Variants in NCBP2AS2 observed in about 807,000 individuals in gnomAD.
The protein encoded by NCBP2AS2 is protein NCBP2AS2.
For synonymous variants in NCBP2AS2, 67 were observed against 28.0 expected, an observed-to-expected ratio of 2.39 and a Z score of -4.40; for missense variants, 125 against 56.0, an observed-to-expected ratio of 2.23 and a Z score of -3.93.
Position 196,942,791 on chromosome 3 carries a change from T to C in NCBP2AS2, c.75T>C (p.Pro25=). The C allele has an allele frequency of 1.4e-6, 1 of 699,592 alleles. No homozygotes were observed. Among genetic ancestry groups the C allele is most frequent in the East Asian group, 2.7e-5 (1 of 36,904 alleles). The allele number at this position is 699,592 out of a possible 1,614,324, so 43.3% of individuals were successfully genotyped here. A position where few individuals can be genotyped will look rare whatever the true frequency, so the allele number is the denominator to read the frequency against. The change falls in exon 1 of 1, where the codon CCT becomes CCC. Residue 25 remains proline (P), a synonymous_variant. Transcript: ENST00000602845. ...TGGAACGTCTGTCAGAGTCGCGGCCTATCCGACGTGCGGCGCAGCTCACGG... is the reference window on the plus strand; with the variant it reads ...TGGAACGTCTGTCAGAGTCGCGGCCCATCCGACGTGCGGCGCAGCTCACGG... ...QLVERLSESR[P]IRRAAQLTAF...
chr3:196,943,121 G>T lies in NCBP2AS2; in HGVS notation c.*105G>T. 1.7e-6 allele frequency: 1 copy of T among 600,036 alleles called. No homozygotes were observed. The highest frequency in any genetic ancestry group is 2.0e-5 in the African/African-American group (1 of 50,818). The allele number at this position is 600,036 out of a possible 1,614,324, so 37.2% of individuals were successfully genotyped here. ...GGCACTGCGCGCGGCTTCGAATCCC[G>T]ACTGGGATTGTTGGCCTGCAGACAT... On this transcript the variant is annotated 3_prime_UTR_variant, in exon 1 of 1. Coordinates refer to ENST00000602845, the MANE Select transcript of NCBP2AS2 (RefSeq NM_001355243.2).
chr3:196,943,162 C>T lies in NCBP2AS2; in HGVS notation c.*146C>T, dbSNP rs12491796. ...CTGCAGACATCCCACGCATAAGAGCCTAGGCCAGACCGCCCGCTCCGTTGA... is the reference window on the plus strand; with the variant it reads ...CTGCAGACATCCCACGCATAAGAGCTTAGGCCAGACCGCCCGCTCCGTTGA... On this transcript the variant is annotated 3_prime_UTR_variant, in exon 1 of 1. Transcript: ENST00000602845. 227 of 568,816 alleles carry T rather than the reference C, an allele frequency of 4.0e-4. No homozygotes were observed. The African/African-American group carries it at 4.1e-3, about 10-fold the overall frequency. The allele number at this position is 568,816 out of a possible 1,614,324, so 35.2% of individuals were successfully genotyped here. A position where few individuals can be genotyped will look rare whatever the true frequency, so the allele number is the denominator to read the frequency against.
rs1184416262 is a variant in NCBP2AS2 at position 196,942,804 on chromosome 3, G to A, written c.88G>A (p.Ala30Thr). Residue 30 changes from alanine to threonine, a missense_variant, in exon 1 of 1, where the codon GCG becomes ACG. Ala to Thr is a moderately conservative substitution (Grantham distance 58, BLOSUM62 0). Transcript: ENST00000602845. ...AGAGTCGCGGCCTATCCGACGTGCG[G>A]CGCAGCTCACGGCCTTCGCACTGCT... The part of the protein sequence containing the change: ...LSESRPIRRA[A>T]QLTAFALLQA... The A allele has an allele frequency of 1.4e-6, 1 of 699,620 alleles. No homozygotes were observed. The highest frequency in any genetic ancestry group is 2.4e-4 in the Middle Eastern group (1 of 4,186). The allele number at this position is 699,620 out of a possible 1,614,324, so 43.3% of individuals were successfully genotyped here. A position where few individuals can be genotyped will look rare whatever the true frequency, so the allele number is the denominator to read the frequency against.
rs61378737 is a variant in NCBP2AS2 at position 196,943,223 on chromosome 3, G to GAC, written c.*207_*208insAC. The stretch of plus-strand genomic sequence containing the variant: ...TTGGACAAGACACAGTGTGGAGACA[G>GAC]CCCTAAGCCTAACAGAGATGAAGGT... On this transcript the variant is annotated 3_prime_UTR_variant, in exon 1 of 1. Coordinates refer to ENST00000602845, the MANE Select transcript of NCBP2AS2 (RefSeq NM_001355243.2). 0.76 allele frequency: 406,956 copies of GAC among 534,202 alleles called. 157,129 individuals are homozygous for GAC. The highest frequency in any genetic ancestry group is 0.94 in the African/African-American group (46,013 of 49,190). The allele number at this position is 534,202 out of a possible 1,614,324, so 33.1% of individuals were successfully genotyped here. A position where few individuals can be genotyped will look rare whatever the true frequency, so the allele number is the denominator to read the frequency against.
chr3:196,942,696 G>A lies in NCBP2AS2; in HGVS notation c.-21G>A. 1.4e-6 allele frequency: 1 copy of A among 739,894 alleles called. No homozygotes were observed. The highest frequency in any genetic ancestry group is 1.5e-5 in the South Asian group (1 of 66,586). The allele number at this position is 739,894 out of a possible 1,614,324, so 45.8% of individuals were successfully genotyped here. On this transcript the variant is annotated 5_prime_UTR_variant, in exon 1 of 1. Coordinates refer to ENST00000602845, the MANE Select transcript of NCBP2AS2 (RefSeq NM_001355243.2). Reference sequence around the variant, plus strand: ...GCGGAAGACGAGGGCGGCGAGGTCGGGTTCCGGGCGCTTGGAGAAGATGGT... The same window carrying A: ...GCGGAAGACGAGGGCGGCGAGGTCGAGTTCCGGGCGCTTGGAGAAGATGGT...
chr3:196,942,834 G>A lies in NCBP2AS2; in HGVS notation c.118G>A (p.Ala40Thr), dbSNP rs1374078437. ...GCTCACGGCCTTCGCACTGCTGCAG[G>A]CCCAGCTGCGGGGCCAGGACGCGGC... ...AQLTAFALLQ[A>T]QLRGQDAARR... Residue 40 changes from alanine (A) to threonine (T), a missense_variant, in exon 1 of 1, where the codon GCC (alanine) becomes ACC (threonine). Ala to Thr is a moderately conservative substitution (Grantham distance 58, BLOSUM62 0). Transcript: ENST00000602845. 2 of 698,036 alleles carry A rather than the reference G, an allele frequency of 2.9e-6. No homozygotes were observed. Among genetic ancestry groups the A allele is most frequent in the African/African-American group, 1.8e-5 (1 of 56,550 alleles). The allele number at this position is 698,036 out of a possible 1,614,324, so 43.2% of individuals were successfully genotyped here.
In NCBP2AS2 at chr3:196,942,964, G is replaced by C; in HGVS notation, c.248G>C (p.Gly83Ala). Residue 83 changes from glycine to alanine, a missense_variant, in exon 1 of 1, where the codon GGC (glycine) becomes GCC (alanine). By Grantham distance (60) the Gly-to-Ala change is moderately conservative (BLOSUM62 0). Transcript: ENST00000602845. The stretch of plus-strand genomic sequence containing the variant: ...CAGGAGCTACGCCGCGGCCTCCGAG[G>C]CCGCTCGGGGCCACCACCAGGTAGC... ...FTQELRRGLR[G>A]RSGPPPGSQR... The C allele has an allele frequency of 1.4e-6, 1 of 698,304 alleles. No homozygotes were observed. Among genetic ancestry groups the C allele is most frequent in the Non-Finnish European group, 2.6e-6 (1 of 383,618 alleles). The allele number at this position is 698,304 out of a possible 1,614,324, so 43.3% of individuals were successfully genotyped here. A position where few individuals can be genotyped will look rare whatever the true frequency, so the allele number is the denominator to read the frequency against.
rs1716679584 is a variant in NCBP2AS2, at chr3:196,942,837, C to T, written c.121C>T (p.Gln41Ter). The change falls in exon 1 of 1, where the codon CAG becomes TAG. Residue 41 changes from glutamine (Q) to a stop codon, truncating the protein, a stop_gained. Transcript: ENST00000602845. LOFTEE classifies it low-confidence loss of function (END_TRUNC). ...CACGGCCTTCGCACTGCTGCAGGCC[C>T]AGCTGCGGGGCCAGGACGCGGCCCG... Reference protein sequence around the residue: ...QLTAFALLQAQLRGQDAARRL... With the variant: ...QLTAFALLQA The T allele has an allele frequency of 1.4e-6, 1 of 698,170 alleles. No individual in the cohort carries two copies. Among genetic ancestry groups the T allele is most frequent in the East Asian group, 2.7e-5 (1 of 36,924 alleles). The allele number at this position is 698,170 out of a possible 1,614,324, so 43.2% of individuals were successfully genotyped here. A position where few individuals can be genotyped will look rare whatever the true frequency, so the allele number is the denominator to read the frequency against.
chr3:196,942,827 G>A lies in NCBP2AS2; in HGVS notation c.111G>A (p.Leu37=), dbSNP rs1716678641. 1 of 698,968 alleles carries A rather than the reference G, an allele frequency of 1.4e-6. No individual in the cohort carries two copies. The highest frequency in any genetic ancestry group is 2.0e-5 in the Admixed American group (1 of 49,750). The allele number at this position is 698,968 out of a possible 1,614,324, so 43.3% of individuals were successfully genotyped here. ...RRAAQLTAFA[L]LQAQLRGQDA... ...CGGCGCAGCTCACGGCCTTCGCACT[G>A]CTGCAGGCCCAGCTGCGGGGCCAGG... The change falls in exon 1 of 1, where the codon CTG becomes CTA. Residue 37 remains leucine (L), a synonymous_variant. Coordinates refer to ENST00000602845, the MANE Select transcript of NCBP2AS2 (RefSeq NM_001355243.2).
rs1716691486 is a variant in NCBP2AS2, at chr3:196,943,003, G to A, written c.287G>A (p.Gly96Asp). 2.9e-6 allele frequency: 2 copies of A among 688,668 alleles called. No homozygotes were observed. The highest frequency in any genetic ancestry group is 3.0e-5 in the South Asian group (2 of 66,156). 42.7% of individuals were successfully genotyped at this position (688,668 alleles called of 1,614,324 possible). A position where few individuals can be genotyped will look rare whatever the true frequency, so the allele number is the denominator to read the frequency against. Reference sequence around the variant, plus strand: ...CCACCAGGTAGCCAGAGGGGCCCTGGCGCAAACATTTAATCCTGGGCTGTG... The same window carrying A: ...CCACCAGGTAGCCAGAGGGGCCCTGACGCAAACATTTAATCCTGGGCTGTG... ...GPPPGSQRGP[G>D]ANI The change falls in exon 1 of 1, where the codon GGC becomes GAC. Residue 96 changes from glycine to aspartate, a missense_variant. By Grantham distance (94) the Gly-to-Asp change is moderately conservative (BLOSUM62 -1). Transcript: ENST00000602845.
At position 196,943,347 on chromosome 3, in the gene NCBP2AS2, A is replaced by C. The variant is rs1228341822; in HGVS notation, c.*331A>C. 2 of 309,082 alleles carry C rather than the reference A, an allele frequency of 6.5e-6. No individual in the cohort carries two copies. Among genetic ancestry groups the C allele is most frequent in the African/African-American group, 4.5e-5 (2 of 44,598 alleles). The allele number at this position is 309,082 out of a possible 1,614,324, so 19.1% of individuals were successfully genotyped here. A position where few individuals can be genotyped will look rare whatever the true frequency, so the allele number is the denominator to read the frequency against. On this transcript the variant is annotated 3_prime_UTR_variant, in exon 1 of 1. Transcript: ENST00000602845. ...CTGAAACTCTTGACAGATGCTGCTC[A>C]ATCTGACTGGTATAGCAGGACAGTT...
chr3:196,943,081 G>A lies in NCBP2AS2; in HGVS notation c.*65G>A. The A allele has an allele frequency of 4.8e-6, 3 of 627,620 alleles. No individual in the cohort carries two copies. In the South Asian group the frequency reaches 5.2e-5, roughly 11 times the overall value. 38.9% of individuals were successfully genotyped at this position (627,620 alleles called of 1,614,324 possible). A position where few individuals can be genotyped will look rare whatever the true frequency, so the allele number is the denominator to read the frequency against. On this transcript the variant is annotated 3_prime_UTR_variant, in exon 1 of 1. Coordinates refer to ENST00000602845, the MANE Select transcript of NCBP2AS2 (RefSeq NM_001355243.2). ...CCGGGCTCTACAGTGGCATCAATGT[G>A]GAGGGGTCATTCCGGGCACTGCGCG... is the stretch of plus-strand genomic sequence containing the variant.
At position 196,942,799 on chromosome 3, in the gene NCBP2AS2, G is replaced by T. The variant is rs1028154433; in HGVS notation, c.83G>T (p.Arg28Leu). ...ERLSESRPIRRAAQLTAFALL... is the reference protein window; with the variant it reads ...ERLSESRPIRLAAQLTAFALL... ...CTGTCAGAGTCGCGGCCTATCCGAC[G>T]TGCGGCGCAGCTCACGGCCTTCGCA... Residue 28 changes from arginine to leucine, a missense_variant, in exon 1 of 1, where the codon CGT (arginine) becomes CTT (leucine). Arg to Leu is a moderately radical substitution (Grantham distance 102). Transcript: ENST00000602845. 1.4e-6 allele frequency: 1 copy of T among 699,524 alleles called. No individual in the cohort carries two copies. Among genetic ancestry groups the T allele is most frequent in the Admixed American group, 2.0e-5 (1 of 49,850 alleles). 43.3% of individuals were successfully genotyped at this position (699,524 alleles called of 1,614,324 possible).
At position 196,943,054 on chromosome 3, in the gene NCBP2AS2, T is replaced by C; in HGVS notation, c.*38T>C. On this transcript the variant is annotated 3_prime_UTR_variant, in exon 1 of 1. Coordinates refer to ENST00000602845, the MANE Select transcript of NCBP2AS2 (RefSeq NM_001355243.2). ...CGGGGCCGAGGCCGCTTGCTTTTCC[T>C]TCCGGGCTCTACAGTGGCATCAATG... The C allele has an allele frequency of 3.1e-6, 2 of 648,202 alleles. No individual in the cohort carries two copies. Among genetic ancestry groups the C allele is most frequent in the Non-Finnish European group, 5.4e-6 (2 of 367,260 alleles). The allele number at this position is 648,202 out of a possible 1,614,324, so 40.2% of individuals were successfully genotyped here.
rs1249255450 is a variant in NCBP2AS2, at chr3:196,942,832, A to G, written c.116A>G (p.Gln39Arg). Residue 39 changes from glutamine to arginine, a missense_variant, in exon 1 of 1, where the codon CAG (glutamine) becomes CGG (arginine). Gln to Arg is a conservative substitution (Grantham distance 43). Coordinates refer to ENST00000602845, the MANE Select transcript of NCBP2AS2 (RefSeq NM_001355243.2). ...CAGCTCACGGCCTTCGCACTGCTGCAGGCCCAGCTGCGGGGCCAGGACGCG... is the reference window on the plus strand; with the variant it reads ...CAGCTCACGGCCTTCGCACTGCTGCGGGCCCAGCTGCGGGGCCAGGACGCG... ...AAQLTAFALL[Q>R]AQLRGQDAAR... 2.9e-6 allele frequency: 2 copies of G among 698,396 alleles called. No homozygotes were observed. The highest frequency in any genetic ancestry group is 2.0e-5 in the Admixed American group (1 of 49,714). 43.3% of individuals were successfully genotyped at this position (698,396 alleles called of 1,614,324 possible). A position where few individuals can be genotyped will look rare whatever the true frequency, so the allele number is the denominator to read the frequency against.
At position 196,942,897 on chromosome 3, in the gene NCBP2AS2, T is replaced by A. The variant is rs939597327; in HGVS notation, c.181T>A (p.Ser61Thr). ...LQDLAAGPVG[S>T]LCRRAERFRD... ...GGACCTCGCGGCTGGGCCCGTGGGC[T>A]CCCTGTGCCGCCGCGCTGAGCGATT... The change falls in exon 1 of 1, where the codon TCC (serine) becomes ACC (threonine). Residue 61 changes from serine to threonine, a missense_variant. Transcript: ENST00000602845. The A allele has an allele frequency of 1.1e-5, 8 of 700,500 alleles. No homozygotes were observed. Among genetic ancestry groups the A allele is most frequent in the Admixed American group, 6.0e-5 (3 of 49,898 alleles). 43.4% of individuals were successfully genotyped at this position (700,500 alleles called of 1,614,324 possible). A position where few individuals can be genotyped will look rare whatever the true frequency, so the allele number is the denominator to read the frequency against.
rs746760116 is a variant in NCBP2AS2, at chr3:196,942,920, A to G, written c.204A>G (p.Arg68=). 11 of 700,946 alleles carry G rather than the reference A, an allele frequency of 1.6e-5. No individual in the cohort carries two copies. The East Asian group carries it at 2.2e-4, about 14-fold the overall frequency. 43.4% of individuals were successfully genotyped at this position (700,946 alleles called of 1,614,324 possible). Residue 68 remains arginine (R), a synonymous_variant, in exon 1 of 1, where the codon CGA becomes CGG. Coordinates refer to ENST00000602845, the MANE Select transcript of NCBP2AS2 (RefSeq NM_001355243.2). ...GCTCCCTGTGCCGCCGCGCTGAGCG[A>G]TTTAGAGACGCCTTCACCCAGGAGC... ...PVGSLCRRAE[R]FRDAFTQELR...
Position 196,943,160 on chromosome 3 carries a change from G to A in NCBP2AS2, c.*144G>A. 2 of 570,920 alleles carry A rather than the reference G, an allele frequency of 3.5e-6. No individual in the cohort carries two copies. Among genetic ancestry groups the A allele is most frequent in the Non-Finnish European group, 3.1e-6 (1 of 326,980 alleles). The allele number at this position is 570,920 out of a possible 1,614,324, so 35.4% of individuals were successfully genotyped here. On this transcript the variant is annotated 3_prime_UTR_variant, in exon 1 of 1. Coordinates refer to ENST00000602845, the MANE Select transcript of NCBP2AS2 (RefSeq NM_001355243.2). ...GCCTGCAGACATCCCACGCATAAGA[G>A]CCTAGGCCAGACCGCCCGCTCCGTT...
In NCBP2AS2 at chr3:196,943,019, C is replaced by T; in HGVS notation, c.*3C>T. 1.5e-6 allele frequency: 1 copy of T among 674,364 alleles called. No individual in the cohort carries two copies. The highest frequency in any genetic ancestry group is 1.6e-5 in the South Asian group (1 of 63,618). 41.8% of individuals were successfully genotyped at this position (674,364 alleles called of 1,614,324 possible). ...GGGGCCCTGGCGCAAACATTTAATC[C>T]TGGGCTGTGCGGGGCCGAGGCCGCT... On this transcript the variant is annotated 3_prime_UTR_variant, in exon 1 of 1. Transcript: ENST00000602845.
Sources: gnomAD v4.1 joint callset for allele counts on GRCh38, gnomAD v4.1.1 for gene constraint, MANE v1.5 for transcripts, NCBI Gene and HGNC (gene_info 2026-07-23, HGNC 2026-07-21) for gene names.